The following BTBD9 variants were observed in gnomAD, a reference collection of about 807,000 sequenced individuals.
BTBD9 encodes the protein BTB/POZ domain-containing protein 9.
Under a neutral mutation model 64.3 loss-of-function variants are expected in BTBD9, and 49 were observed. That is an observed-to-expected ratio of 0.76 (90% CI 0.61 to 0.97). The LOEUF (loss-of-function observed/expected upper bound fraction) is 0.97, where lower values mean the gene tolerates loss of function less well. Ranked by LOEUF, BTBD9 falls within the 50% of genes least tolerant of loss-of-function variation. The pLI, the probability that BTBD9 is intolerant of heterozygous loss-of-function variation, is 0.00. For missense variants in BTBD9, 598 were observed against 762.1 expected, an observed-to-expected ratio of 0.78 and a Z score of 2.53; for synonymous variants, 260 against 274.7, an observed-to-expected ratio of 0.95 and a Z score of 0.53.
chr6:38,390,562 A>C (rs1174103318), intron 6 of BTBD9, among the ~76,000 whole-genome samples: 5 of 152,238 alleles, frequency 3.3e-5, no homozygotes, highest in African/African-American at 7.2e-5. Context: ...ACAAAAATGA[A>C]CATTAATAGG....
At chr6:38,308,526 C>A (rs542709390) in intron 7 of BTBD9, among the ~76,000 whole-genome samples, 2 of 152,232 alleles carry the variant, frequency 1.3e-5, no homozygotes, top group African/African-American at 4.8e-5. Flanking sequence ...ATAAGTTTCA[C>A]ATGAATTTAT....
chr6:38,216,642 T>A (rs1320377530), intron 9 of BTBD9, among the ~76,000 whole-genome samples: 2 of 152,354 alleles, frequency 1.3e-5, no homozygotes, highest in South Asian at 2.1e-4. Context: ...TTTGTCATGG[T>A]AGTGAAATTC....
chr6:38,490,323 C>A (rs1204590096), intron 6 of BTBD9, among the ~76,000 whole-genome samples: 2 of 152,092 alleles, frequency 1.3e-5, no homozygotes, highest in Non-Finnish European at 2.9e-5. Context: ...ACATCCATTT[C>A]TTTTTTCTTT....
chr6:38,443,276 C>T (rs575935061), intron 6 of BTBD9, among the ~76,000 whole-genome samples: 94 of 152,270 alleles, frequency 6.2e-4, no homozygotes, highest in Non-Finnish European at 1.2e-3. Context: ...ATATAACACA[C>T]TTAAGATTAG....
At chr6:38,634,134 G>T (rs932278305) in intron 1 of BTBD9, among the ~76,000 whole-genome samples, 3 of 152,220 alleles carry the variant, frequency 2.0e-5, no homozygotes, top group Non-Finnish European at 4.4e-5. Context: ...ATAGTGAGTA[G>T]CTAAGCTGTC....
intron 6 of BTBD9, among the ~76,000 whole-genome samples, chr6:38,371,378 T>C (rs565650994): frequency 2.7e-4 from 41 of 152,324 alleles, no homozygotes; most frequent in African/African-American, 8.9e-4. Flanking sequence ...CCCCATGTGA[T>C]TGTGATGGAT....
chr6:38,374,310 T>TATATATATATATATATAC (rs1765583126), intron 6 of BTBD9, among the ~76,000 whole-genome samples: 1 of 102,876 alleles, frequency 9.7e-6, no homozygotes, highest in Non-Finnish European at 1.9e-5. Flanking sequence ...TATATATGTA[T>TATATATATATATATATAC]ATATATATAT....
chr6:38,275,331 T>C (rs1305088280), intron 8 of BTBD9, among the ~76,000 whole-genome samples: 1 of 151,966 alleles, frequency 6.6e-6, no homozygotes, highest in African/African-American at 2.4e-5. Flanking sequence ...TCCTTACACC[T>C]TATACAAAAA....
chr6:38,631,189 T>TGTTGTTAAGGAAA lies in BTBD9; in HGVS notation c.-28+8610_-28+8611insTTTCCTTAACAAC, dbSNP rs1778348321. The stretch of plus-strand genomic sequence containing the variant: ...AGGAATCCACAACAAATCTGTAATT[T>TGTTGTTAAGGAAA]GTGAAAACTTTCCTTAAAATTTAAA... On this transcript the variant is annotated intron_variant, in intron 1 of 10. Coordinates refer to ENST00000481247, the MANE Select transcript of BTBD9 (RefSeq NM_001099272.2). 4.6e-5 allele frequency among the ~76,000 whole-genome samples: 7 copies of TGTTGTTAAGGAAA among 152,376 alleles called. No homozygotes were observed. The South Asian group carries it at 1.4e-3, about 32-fold the overall frequency.
chr6:38,211,245 C>T (rs996884539), intron 9 of BTBD9, among the ~76,000 whole-genome samples: 139 of 152,112 alleles, frequency 9.1e-4, no homozygotes, highest in African/African-American at 3.0e-3. Context: ...CTGGCTAACA[C>T]GGTGAAACCC....
chr6:38,284,338 T>C (rs564705766), intron 8 of BTBD9, among the ~76,000 whole-genome samples: 2 of 152,270 alleles, frequency 1.3e-5, no homozygotes, highest in South Asian at 4.1e-4. Context: ...TTCCACATTT[T>C]AAAAAAACCC....
At chr6:38,564,331 G>C (rs1775388499) in intron 6 of BTBD9, among the ~76,000 whole-genome samples, 1 of 152,132 alleles carries the variant, frequency 6.6e-6, no homozygotes, top group Non-Finnish European at 1.5e-5. Context: ...GTTAATTCTA[G>C]TCCCAGTACA....
At chr6:38,177,222 AC>A (rs1388317877) in intron 10 of BTBD9, among the ~76,000 whole-genome samples, 4 of 152,130 alleles carry the variant, frequency 2.6e-5, no homozygotes, top group Non-Finnish European at 5.9e-5. Flanking sequence ...GAATTGACTT[AC>A]GTTTGTCCTA....
intron 6 of BTBD9, among the ~76,000 whole-genome samples, chr6:38,429,530 C>G (rs143789651): frequency 6.6e-6 from 1 of 151,406 alleles, no homozygotes; most frequent in East Asian, 1.9e-4. Flanking sequence ...TGCACACATA[C>G]GTACTTAAAT....
At chr6:38,492,158 G>A (rs182589574) in intron 6 of BTBD9, among the ~76,000 whole-genome samples, 58 of 152,258 alleles carry the variant, frequency 3.8e-4, no homozygotes, top group African/African-American at 1.3e-3. Context: ...ACAAAGGCCA[G>A]CCTTTCCATC....
At chr6:38,500,663 T>G (rs1772156067) in intron 6 of BTBD9, among the ~76,000 whole-genome samples, 1 of 152,200 alleles carries the variant, frequency 6.6e-6, no homozygotes, top group Admixed American at 6.5e-5. Context: ...TCCATTGCTC[T>G]TAGCAAGATA....
Position 38,253,868 on chromosome 6 carries a change from A to C in BTBD9, c.1562+2541T>G, listed in dbSNP as rs61704346. Among the ~76,000 whole-genome samples the C allele has an allele frequency of 4.5e-3, 685 of 151,872 alleles. 5 individuals carry two copies. Among genetic ancestry groups the C allele is most frequent in the African/African-American group, 0.015 (633 of 41,346 alleles). ...TTTGAGTCCTAAGAGGCAATATGGT[A>C]TAGTGGCAAGAAGCTGGATTTAAAT... On this transcript the variant is annotated intron_variant, in intron 9 of 10. Coordinates refer to ENST00000481247, the MANE Select transcript of BTBD9 (RefSeq NM_001099272.2).
chr6:38,325,220 TAGG>T (rs1763375725), intron 7 of BTBD9, among the ~76,000 whole-genome samples: 2 of 152,014 alleles, frequency 1.3e-5, no homozygotes, highest in Admixed American at 1.3e-4. Flanking sequence ...TTTACAAGAA[TAGG>T]AGTATATTAA....
At chr6:38,452,882 C>A (rs540007962) in intron 6 of BTBD9, among the ~76,000 whole-genome samples, 4 of 152,002 alleles carry the variant, frequency 2.6e-5, no homozygotes, top group African/African-American at 9.7e-5. Flanking sequence ...TAATGTGATA[C>A]GGAAACTGAG....
Sources: gnomAD v4.1 joint callset for allele counts (sites outside exome capture counted in the v4.1 genomes callset) on GRCh38, gnomAD v4.1.1 for gene constraint, MANE v1.5 for transcripts, NCBI Gene and HGNC (gene_info 2026-07-23, HGNC 2026-07-21) for gene names.